SZT2: variants seen among roughly 807,000 people sequenced by gnomAD.
The protein encoded by SZT2 is KICSTOR complex protein SZT2.
A neutral mutation model predicts 404.2 loss-of-function variants in SZT2; 216 were observed. The observed-to-expected ratio is 0.53, with a 90% CI of 0.48 to 0.60. The LOEUF (loss-of-function observed/expected upper bound fraction) is 0.60, where lower values mean the gene tolerates loss of function less well. SZT2 is among the 20% of genes least tolerant of loss of function. The probability of loss-of-function intolerance (pLI) is 0.00; values close to 1 mark genes in which losing one functional copy is unlikely to be tolerated. For missense variants in SZT2, 3,857 were observed against 4,459.2 expected, an observed-to-expected ratio of 0.86 and a Z score of 3.85; for synonymous variants, 1,693 against 1,749.9, an observed-to-expected ratio of 0.97 and a Z score of 0.81.
In SZT2 at chr1:43,437,584, C is replaced by A; in HGVS notation, c.6291-11C>A. The A allele has an allele frequency of 6.2e-7, 1 of 1,614,076 alleles. No homozygotes were observed. The highest frequency in any genetic ancestry group is 8.5e-7 in the Non-Finnish European group (1 of 1,179,984). Reference sequence around the variant, plus strand: ...AGGAGGCATGTCCAAAGACATGCTGCTCTTTCCCAGGCTCCTAGAGACATC... The same window carrying A: ...AGGAGGCATGTCCAAAGACATGCTGATCTTTCCCAGGCTCCTAGAGACATC... On this transcript the variant is annotated splice_polypyrimidine_tract_variant and intron_variant, in intron 44 of 71. Coordinates refer to ENST00000634258, the MANE Select transcript of SZT2 (RefSeq NM_001365999.1). The surrounding 1 kb of genome is among the most constrained non-coding windows in gnomAD (Gnocchi z 5.3).
chr1:43,451,756 C>T lies in SZT2; in HGVS notation c.*1276C>T. On this transcript the variant is annotated 3_prime_UTR_variant, in exon 72 of 72. Coordinates refer to ENST00000634258, the MANE Select transcript of SZT2 (RefSeq NM_001365999.1). ...TACTACATTCCGAGACCCCGCAGGC[C>T]CCGCCCTCCTTCCGATCTGCGAAGT... 6.2e-7 allele frequency: 1 copy of T among 1,613,936 alleles called. No homozygotes were observed. The highest frequency in any genetic ancestry group is 8.5e-7 in the Non-Finnish European group (1 of 1,179,838).
intron 24 of SZT2, 47 bp from the exon 25 acceptor site, chr1:43,427,234 C>G: frequency 1.2e-6 from 2 of 1,605,498 alleles, no homozygotes; most frequent in East Asian, 2.2e-5. Flanking sequence ...CCTGAGCTCC[C>G]TCACTGGCCC....
intron 12 of SZT2, 24 bp from the exon 13 acceptor site, chr1:43,422,456 C>A: frequency 1.3e-6 from 2 of 1,552,724 alleles, no homozygotes; most frequent in South Asian, 1.2e-5. Flanking sequence ...GAGGTCTAAC[C>A]TCAGTCCACA....
chr1:43,415,268 CAG>C, intron 5 of SZT2, 55 bp downstream of exon 5: 1 of 1,586,936 alleles, frequency 6.3e-7, no homozygotes, highest in Non-Finnish European at 8.5e-7. Flanking sequence ...CAGCTAAGGA[CAG>C]AGGGCAGAGA....
At chr1:43,403,405 T>G in intron 2 of SZT2, 103 bp downstream of exon 2, 1 of 1,498,260 alleles carries the variant, frequency 6.7e-7, no homozygotes, top group Non-Finnish European at 8.9e-7. Flanking sequence ...CTCTTAAGTC[T>G]GGTTAGGGCA....
At chr1:43,446,545 A>G in intron 65 of SZT2, 129 bp downstream of exon 65, 1 of 1,115,070 alleles carries the variant, frequency 9.0e-7, no homozygotes, top group South Asian at 1.4e-5. Flanking sequence ...ATTCACTGCT[A>G]TGGCCTGGCT....
intron 66 of SZT2, among the ~76,000 whole-genome samples, 175 bp from the exon 67 acceptor site, chr1:43,447,368 CCT>C (rs529280409): frequency 1.6e-4 from 24 of 152,338 alleles, no homozygotes; most frequent in African/African-American, 5.5e-4. Context: ...TGTCCCCTGC[CCT>C]CTGAGTCACT....
chr1:43,397,645 G>A (rs1158902299), intron 1 of SZT2, among the ~76,000 whole-genome samples: 2 of 151,196 alleles, frequency 1.3e-5, no homozygotes, highest in Admixed American at 6.6e-5. Context: ...CTCCTGCCTC[G>A]GTCCCCTAAG....
chr1:43,419,512 G>T (rs1652089150), intron 7 of SZT2, among the ~76,000 whole-genome samples: 1 of 152,186 alleles, frequency 6.6e-6, no homozygotes, highest in Non-Finnish European at 1.5e-5. Flanking sequence ...TATCGAGGAG[G>T]AAGCAAAGAG....
rs777253116 is a variant in SZT2, at chr1:43,440,520, C to G, written c.7278C>G (p.Ala2426=). The G allele has an allele frequency of 8.1e-6, 13 of 1,608,176 alleles. No individual in the cohort carries two copies. In the East Asian group the frequency reaches 1.1e-4, roughly 14 times the overall value. ...GCCGAGCTAGCACCTTTCCCCCTGCCCCTGTCCCTGGGGAGCCTGTGACTC... is the reference window on the plus strand; with the variant it reads ...GCCGAGCTAGCACCTTTCCCCCTGCGCCTGTCCCTGGGGAGCCTGTGACTC... ...SAGRASTFPP[A]PVPGEPVTPP... Residue 2426 remains alanine, a synonymous_variant, in exon 52 of 72, where the codon GCC becomes GCG. Transcript: ENST00000634258.
At position 43,430,384 on chromosome 1, in the gene SZT2, A is replaced by C. The variant is rs1443630954; in HGVS notation, c.4475A>C (p.Glu1492Ala). The C allele has an allele frequency of 1.6e-5, 25 of 1,607,950 alleles. No homozygotes were observed. Among genetic ancestry groups the C allele is most frequent in the Non-Finnish European group, 2.1e-5 (25 of 1,177,634 alleles). Residue 1492 changes from glutamate (E) to alanine (A), a missense_variant, in exon 31 of 72, where the codon GAA becomes GCA. Glu to Ala is a moderately radical substitution (Grantham distance 107). Around this residue, in one of 7 missense-constraint regions of SZT2, gnomAD observed 1,725 missense variants for 1,881.0 expected, o/e 0.92. Transcript: ENST00000634258. ...LEFSEAELMG[E>A]EGDTSACCVV... ...TTTTCAGAGGCTGAGCTTATGGGAG[A>C]AGAAGGTATGTGGGCAAGTGAGTCA...
intron 4 of SZT2, among the ~76,000 whole-genome samples, chr1:43,411,628 A>G (rs776880803): frequency 3.9e-5 from 6 of 151,958 alleles, no homozygotes; most frequent in Non-Finnish European, 7.4e-5. Flanking sequence ...ACCCAGCCCC[A>G]TCAAGTGCTG....
In SZT2 at chr1:43,408,409, C is replaced by CAT. The variant is rs200153123; in HGVS notation, c.498+3860_498+3861dup. On this transcript the variant is annotated intron_variant, in intron 4 of 71. Transcript: ENST00000634258. Reference sequence around the variant, plus strand: ...TGCCAAGTAGCTAGGACTACAGGTGCATGCCACCATACCTGACTAATTGTT... The same window carrying CAT: ...TGCCAAGTAGCTAGGACTACAGGTGCATATGCCACCATACCTGACTAATTGTT... 2.5e-3 allele frequency among the ~76,000 whole-genome samples: 381 copies of CAT among 152,006 alleles called. 7 individuals carry two copies. The highest frequency in any genetic ancestry group is 0.022 in the Admixed American group (341 of 15,246).
rs139460802 is a variant in SZT2 at position 43,451,945 on chromosome 1, C to T, written c.*1465C>T. 1.1e-4 allele frequency: 173 copies of T among 1,612,018 alleles called. No homozygotes were observed. The highest frequency in any genetic ancestry group is 1.4e-4 in the Non-Finnish European group (161 of 1,178,560). ...GGGCTGGGGTCGTACCCTGCTGGGG[C>T]GTGTCCAGGAAGTACTGGGGGTCAG... On this transcript the variant is annotated 3_prime_UTR_variant, in exon 72 of 72. Transcript: ENST00000634258.
At chr1:43,404,205 TTTG>T (rs893096484) in intron 3 of SZT2, 172 bp from the exon 4 acceptor site, 4 of 605,226 alleles carry the variant, frequency 6.6e-6, no homozygotes, top group Admixed American at 3.1e-5. Context: ...AGACCCTGGT[TTTG>T]TTGTTTTTGT....
chr1:43,437,463 T>C lies in SZT2; in HGVS notation c.6245T>C (p.Met2082Thr). The C allele has an allele frequency of 1.9e-6, 3 of 1,614,126 alleles. No homozygotes were observed. The highest frequency in any genetic ancestry group is 2.5e-6 in the Non-Finnish European group (3 of 1,180,014). The change falls in exon 44 of 72, where the codon ATG becomes ACG. Residue 2082 changes from methionine (M) to threonine (T), a missense_variant. Met to Thr is a moderately conservative substitution (Grantham distance 81). Around this residue, in one of 7 missense-constraint regions of SZT2, gnomAD observed 261 missense variants for 372.9 expected, o/e 0.70. Coordinates refer to ENST00000634258, the MANE Select transcript of SZT2 (RefSeq NM_001365999.1). This position sits in a 1 kb window ranked among gnomAD's most constrained non-coding sequence, Gnocchi z 5.3. ...NAFSVVNRKN[M>T]FVYQERATKA... The stretch of plus-strand genomic sequence containing the variant: ...TTCTCTGTGGTGAACCGGAAAAACA[T>C]GTTTGTTTACCAGGAGCGAGCAACA...
In SZT2 at chr1:43,430,634, A is replaced by T; in HGVS notation, c.4619A>T (p.Asp1540Val). 6.2e-7 allele frequency: 1 copy of T among 1,614,194 alleles called. No homozygotes were observed. Reference sequence around the variant, plus strand: ...TCAGACGTAGACACTGTGAATCCTGATGAAGACTCCTTCAGTATCTTGGGG... The same window carrying T: ...TCAGACGTAGACACTGTGAATCCTGTTGAAGACTCCTTCAGTATCTTGGGG... ...SLSDVDTVNP[D>V]EDSFSILGGD... Residue 1540 changes from aspartate (D) to valine (V), a missense_variant, in exon 32 of 72, where the codon GAT becomes GTT. Around this residue, in one of 7 missense-constraint regions of SZT2, gnomAD observed 1,725 missense variants for 1,881.0 expected, o/e 0.92. Transcript: ENST00000634258.
At chr1:43,398,537 C>T (rs1649275726) in intron 1 of SZT2, among the ~76,000 whole-genome samples, 1 of 152,182 alleles carries the variant, frequency 6.6e-6, no homozygotes, top group African/African-American at 2.4e-5. Context: ...GCATAGTCAA[C>T]ACATAATATC....
At chr1:43,403,134 G>A (rs368266837) in intron 1 of SZT2, 43 bp from the exon 2 acceptor site, 12 of 1,605,302 alleles carry the variant, frequency 7.5e-6, no homozygotes, top group Admixed American at 3.4e-5. Flanking sequence ...CCAGGTACTC[G>A]GTGCCATTTT....
Sources: gnomAD v4.1 joint callset for allele counts (sites outside exome capture counted in the v4.1 genomes callset) on GRCh38, gnomAD v4.1.1 for gene constraint, gnomAD v4.1.1 regional missense constraint, Gnocchi (gnomAD v3.1) non-coding constraint, MANE v1.5 for transcripts, NCBI Gene and HGNC (gene_info 2026-07-23, HGNC 2026-07-21) for gene names.